Variants in CEP70 observed in about 807,000 individuals in gnomAD.
CEP70 encodes centrosomal protein of 70 kDa.
In CEP70, 70 loss-of-function variants were observed where a neutral mutation model predicts 90.9. The observed-to-expected ratio is 0.77, with a 90% confidence interval of 0.64 to 0.94. The LOEUF is 0.94. CEP70 is among the 40% of genes least tolerant of loss of function. The probability of loss-of-function intolerance (pLI) is 0.00; values close to 1 mark genes in which losing one functional copy is unlikely to be tolerated. For missense variants in CEP70, 648 were observed against 669.0 expected, an observed-to-expected ratio of 0.97 and a Z score of 0.35; for synonymous variants, 220 against 228.3, an observed-to-expected ratio of 0.96 and a Z score of 0.33.
intron 6 of CEP70, among the ~76,000 whole-genome samples, chr3:138,546,944 T>C (rs895913504): frequency 2.6e-5 from 4 of 152,174 alleles, no homozygotes; most frequent in Non-Finnish European, 5.9e-5. Context: ...TGCTGAGACT[T>C]AGCAACCCTC....
chr3:138,504,571 G>A (rs1460929919), intron 13 of CEP70, among the ~76,000 whole-genome samples: 2 of 152,052 alleles, frequency 1.3e-5, no homozygotes, highest in African/African-American at 4.8e-5. Context: ...TCATTAACAG[G>A]CATATGCTAT....
At chr3:138,583,931 G>T (rs2041983014) in intron 2 of CEP70, among the ~76,000 whole-genome samples, 1 of 151,910 alleles carries the variant, frequency 6.6e-6, no homozygotes, top group Non-Finnish European at 1.5e-5. Context: ...AAATAATAAA[G>T]ATTACAGCAG....
intron 7 of CEP70, among the ~76,000 whole-genome samples, chr3:138,533,999 T>A (rs980718882): frequency 1.3e-5 from 2 of 152,166 alleles, no homozygotes; most frequent in East Asian, 3.9e-4. Context: ...TTAGCCAGGA[T>A]GGTCTCGATC....
intron 2 of CEP70, among the ~76,000 whole-genome samples, chr3:138,577,457 G>A (rs892496808): frequency 4.6e-5 from 7 of 152,074 alleles, no homozygotes; most frequent in Non-Finnish European, 8.8e-5. Flanking sequence ...GACTAGCCTG[G>A]CCAACATGGC....
At chr3:138,541,987 T>C (rs1008448130) in intron 6 of CEP70, among the ~76,000 whole-genome samples, 1 of 152,226 alleles carries the variant, frequency 6.6e-6, no homozygotes, top group Non-Finnish European at 1.5e-5. Context: ...CTGTGGCCAG[T>C]GGTACCTCTG....
At chr3:138,555,396 G>A (rs2039936366) in intron 6 of CEP70, among the ~76,000 whole-genome samples, 1 of 151,980 alleles carries the variant, frequency 6.6e-6, no homozygotes, top group East Asian at 1.9e-4. Context: ...GAACTCAAAA[G>A]CAAATGAAAC....
chr3:138,502,089 G>C (rs7643687), intron 13 of CEP70, among the ~76,000 whole-genome samples: 1,798 of 152,116 alleles, frequency 0.012, 42 homozygotes, highest in African/African-American at 0.041. Context: ...AGTTGTCTAG[G>C]GCCATAGTAT....
Position 138,508,482 on chromosome 3 carries a change from T to G in CEP70, c.1007A>C (p.Lys336Thr), listed in dbSNP as rs1258624853. Residue 336 changes from lysine (K) to threonine (T), a missense_variant, in exon 12 of 18, where the codon AAA (lysine) becomes ACA (threonine). By Grantham distance (78) the Lys-to-Thr change is moderately conservative. Transcript: ENST00000264982. ...AATTAGGGCCTGTTGCTGATTATAT[T>G]TGCTGGGCTCATCTTTCTTCTCTGT... ...EDTEKKDEPS[K>T]YNQQQALIDQ... is the part of the protein sequence containing the mutation. 8 of 1,613,038 alleles carry G rather than the reference T, an allele frequency of 5.0e-6. No individual in the cohort carries two copies.
At chr3:138,533,909 C>T (rs60426689) in intron 7 of CEP70, among the ~76,000 whole-genome samples, 6,458 of 152,042 alleles carry the variant, frequency 0.042, 478 homozygotes, top group East Asian at 0.38. Flanking sequence ...CTCAGCCTCC[C>T]GAGTAGCTGG....
intron 11 of CEP70, among the ~76,000 whole-genome samples, chr3:138,510,731 G>C (rs761278114): frequency 6.6e-6 from 1 of 152,116 alleles, no homozygotes; most frequent in Non-Finnish European, 1.5e-5. Context: ...CCCCTTGTCA[G>C]TGGGGGATAC....
intron 8 of CEP70, among the ~76,000 whole-genome samples, chr3:138,529,766 A>G (rs1363551016): frequency 6.6e-6 from 1 of 152,220 alleles, no homozygotes; most frequent in Non-Finnish European, 1.5e-5. Flanking sequence ...GTGAAAAAGC[A>G]CTGCTGAATA....
At chr3:138,570,936 T>C (rs547917756) in intron 5 of CEP70, 98 bp downstream of exon 5, 14 of 1,039,038 alleles carry the variant, frequency 1.3e-5, no homozygotes, top group Non-Finnish European at 1.7e-5. Context: ...GTTTAATATT[T>C]AATCAAAATG....
At chr3:138,589,620 T>C (rs1337062004) in intron 2 of CEP70, among the ~76,000 whole-genome samples, 4 of 151,912 alleles carry the variant, frequency 2.6e-5, no homozygotes, top group Non-Finnish European at 5.9e-5. Context: ...ATCATACCAC[T>C]GCACTACAGC....
At chr3:138,581,617 C>T (rs183878339) in intron 2 of CEP70, among the ~76,000 whole-genome samples, 181 of 146,546 alleles carry the variant, frequency 1.2e-3, no homozygotes, top group Middle Eastern at 3.5e-3. Context: ...GCACAAGAAT[C>T]GCCTGAACCT....
At chr3:138,516,538 G>A (rs554308766) in intron 11 of CEP70, among the ~76,000 whole-genome samples, 22 of 152,024 alleles carry the variant, frequency 1.4e-4, no homozygotes, top group African/African-American at 2.4e-4. Flanking sequence ...GGTAAGTACC[G>A]CCACACCTGG....
At position 138,529,113 on chromosome 3, in the gene CEP70, A is replaced by T. The variant is rs546574789; in HGVS notation, c.869+86T>A. 4.0e-6 allele frequency: 3 copies of T among 744,578 alleles called. No individual in the cohort carries two copies. In the South Asian group the frequency reaches 5.5e-5, roughly 14 times the overall value. The allele number at this position is 744,578 out of a possible 1,614,324, so 46.1% of individuals were successfully genotyped here. The stretch of plus-strand genomic sequence containing the variant: ...CCCTGGAGGTCAAGGCTGCGGTGAG[A>T]CGTGATCACACCACTGCACTTGGCC... On this transcript the variant is annotated intron_variant, in intron 10 of 17. Coordinates refer to ENST00000264982, the MANE Select transcript of CEP70 (RefSeq NM_024491.4).
At chr3:138,535,031 T>C (rs994703745) in intron 7 of CEP70, among the ~76,000 whole-genome samples, 1 of 152,174 alleles carries the variant, frequency 6.6e-6, no homozygotes, top group Non-Finnish European at 1.5e-5. Context: ...TCAGGAATCT[T>C]TGGGTATGTT....
At chr3:138,517,912 T>A (rs528453944) in intron 11 of CEP70, among the ~76,000 whole-genome samples, 73 of 152,020 alleles carry the variant, frequency 4.8e-4, no homozygotes, top group Non-Finnish European at 7.9e-4. Flanking sequence ...GCACAAAGGG[T>A]CAGGGAATTC....
At chr3:138,505,274 T>C (rs1215402342) in intron 13 of CEP70, 21 bp downstream of exon 13, 8 of 1,568,784 alleles carry the variant, frequency 5.1e-6, no homozygotes, top group Non-Finnish European at 6.9e-6. Flanking sequence ...TCAAAGCATA[T>C]AATCATAGTC....
Sources: allele counts gnomAD v4.1 joint callset (sites outside exome capture counted in the v4.1 genomes callset), GRCh38; gene constraint gnomAD v4.1.1; transcripts MANE v1.5; gene names NCBI Gene and HGNC (gene_info 2026-07-23, HGNC 2026-07-21).